Variants in ZNF57 observed in about 807,000 individuals in gnomAD.
ZNF57 encodes zinc finger protein 424.
Under a neutral mutation model 13.4 loss-of-function variants are expected in ZNF57, and 11 were observed. That is an observed-to-expected ratio of 0.82 (90% confidence interval 0.52 to 1.36). ZNF57 has a LOEUF of 1.36. ZNF57 is among the 40% of genes most tolerant of loss of function. The pLI is 0.00. For missense variants in ZNF57, 696 were observed against 667.5 expected, an observed-to-expected ratio of 1.04 and a Z score of -0.47; for synonymous variants, 224 against 238.5, an observed-to-expected ratio of 0.94 and a Z score of 0.56.
rs528950413 is a variant in ZNF57 at position 2,903,973 on chromosome 19, C to T, written c.3+2925C>T. Among the ~76,000 whole-genome samples, 29 of 152,272 alleles carry T rather than the reference C, an allele frequency of 1.9e-4. No homozygotes were observed. The East Asian group carries it at 4.6e-3, about 24-fold the overall frequency. ...CTGGTGTTCCGCTCGCCTCAGCCTC[C>T]GAAAGTGCTGGGATTACAGGCGTGA... On this transcript the variant is annotated intron_variant, in intron 1 of 3. Coordinates refer to ENST00000306908, the MANE Select transcript of ZNF57 (RefSeq NM_173480.3).
intron 1 of ZNF57, among the ~76,000 whole-genome samples, chr19:2,904,033 A>G (rs985846444): frequency 2.0e-5 from 3 of 151,940 alleles, no homozygotes; most frequent in African/African-American, 7.3e-5. Flanking sequence ...GCTAATTTTT[A>G]TATTTTTTTG....
Position 2,917,622 on chromosome 19 carries a change from A to G in ZNF57, c.1001A>G (p.Lys334Arg). 6.2e-7 allele frequency: 1 copy of G among 1,613,768 alleles called. No homozygotes were observed. Among genetic ancestry groups the G allele is most frequent in the Non-Finnish European group, 8.5e-7 (1 of 1,179,776 alleles). Residue 334 changes from lysine (K) to arginine (R), a missense_variant, in exon 4 of 4, where the codon AAA becomes AGA. Physicochemically the swap from Lys to Arg is conservative, Grantham distance 26 (BLOSUM62 2). Around this residue, in one of 3 missense-constraint regions of ZNF57, gnomAD observed 645 missense variants for 591.5 expected, o/e 1.09. Transcript: ENST00000306908. ...CACATGAGGATCCACACTGGGGACA[A>G]ACTCTATAAATGTGAACACTGTGGG... The part of the protein sequence containing the change: ...RVHMRIHTGD[K>R]LYKCEHCGKA...
At chr19:2,911,802 C>T (rs143711377) in intron 1 of ZNF57, among the ~76,000 whole-genome samples, 295 of 152,300 alleles carry the variant, frequency 1.9e-3, no homozygotes, top group African/African-American at 6.8e-3. Context: ...CAAATCTCTC[C>T]CATGGCTTTT....
chr19:2,916,306 A>G (rs2088194911), intron 3 of ZNF57, 57 bp downstream of exon 3: 2 of 1,423,076 alleles, frequency 1.4e-6, no homozygotes, highest in Non-Finnish European at 1.9e-6. Flanking sequence ...ATATCTAAGT[A>G]TTGCTCCAAA....
At chr19:2,915,494 T>C (rs371453787) in intron 1 of ZNF57, 28 bp from the exon 2 acceptor site, 13 of 1,610,324 alleles carry the variant, frequency 8.1e-6, no homozygotes, top group Admixed American at 5.0e-5. Context: ...TCTCCAATCC[T>C]CCTGCACACC....
intron 1 of ZNF57, among the ~76,000 whole-genome samples, chr19:2,907,556 G>GTAT: frequency 6.6e-6 from 1 of 152,236 alleles, no homozygotes; most frequent in South Asian, 2.1e-4. Flanking sequence ...CTTTTCCATT[G>GTAT]GTTCGTTTGT....
chr19:2,905,418 CT>C (rs200132729), intron 1 of ZNF57, among the ~76,000 whole-genome samples: 2,345 of 79,062 alleles, frequency 0.03, 987 homozygotes, highest in Non-Finnish European at 0.052. Context: ...CCCCCCCCCC[CT>C]CGGCATTCCA....
chr19:2,917,326 GT>G lies in ZNF57; in HGVS notation c.707del (p.Phe236SerfsTer8), dbSNP rs763886849. The G allele has an allele frequency of 1.2e-6, 2 of 1,614,106 alleles. No homozygotes were observed. Among genetic ancestry groups the G allele is most frequent in the Admixed American group, 3.3e-5 (2 of 60,012 alleles). ...CEQCRMAFNG[F>X]ASFTRHVRTH... ...AGCAGTGTCGGATGGCGTTTAATGG[GT>G]TCGCAAGCTTCACTAGACATGTGAG... On this transcript the variant is annotated frameshift_variant, in exon 4 of 4. Transcript: ENST00000306908. LOFTEE classifies it low-confidence loss of function (END_TRUNC).
At chr19:2,904,336 A>C (rs1344655000) in intron 1 of ZNF57, among the ~76,000 whole-genome samples, 2 of 151,930 alleles carry the variant, frequency 1.3e-5, no homozygotes, top group African/African-American at 4.8e-5. Flanking sequence ...GTGTTCATTT[A>C]TTTTGTGTAC....
intron 1 of ZNF57, among the ~76,000 whole-genome samples, chr19:2,908,813 G>A (rs985504896): frequency 6.6e-5 from 10 of 151,910 alleles, no homozygotes; most frequent in African/African-American, 2.4e-4. Flanking sequence ...CTCTCCTATT[G>A]CCCCGGAGCC....
At position 2,917,378 on chromosome 19, in the gene ZNF57, A is replaced by G. The variant is rs778450600; in HGVS notation, c.757A>G (p.Lys253Glu). Reference protein sequence around the residue: ...VRTHTKDRPYKCQECGRAFIY... With the variant: ...VRTHTKDRPYECQECGRAFIY... ...AACTCACACAAAAGACAGGCCATAT[A>G]AATGTCAGGAATGTGGGAGAGCCTT... The change falls in exon 4 of 4, where the codon AAA (lysine) becomes GAA (glutamate). Residue 253 changes from lysine (K) to glutamate (E), a missense_variant. Physicochemically the swap from Lys to Glu is moderately conservative, Grantham distance 56. This residue lies in a region of ZNF57 where 645 missense variants were observed against 591.5 expected (regional missense o/e 1.09). Coordinates refer to ENST00000306908, the MANE Select transcript of ZNF57 (RefSeq NM_173480.3). 7.4e-6 allele frequency: 12 copies of G among 1,614,248 alleles called. No homozygotes were observed. Among genetic ancestry groups the G allele is most frequent in the Non-Finnish European group, 1.0e-5 (12 of 1,180,042 alleles).
rs12973978 is a variant in ZNF57 at position 2,910,827 on chromosome 19, G to A, written c.4-4695G>A. 1.7e-3 allele frequency among the ~76,000 whole-genome samples: 178 copies of A among 107,426 alleles called. 1 individual carries two copies. Among genetic ancestry groups the A allele is most frequent in the Middle Eastern group, 9.7e-3 (2 of 206 alleles). The allele number at this position is 107,426 out of a possible 152,430, so 70.5% of individuals were successfully genotyped here. On this transcript the variant is annotated intron_variant, in intron 1 of 3. Coordinates refer to ENST00000306908, the MANE Select transcript of ZNF57 (RefSeq NM_173480.3). The stretch of plus-strand genomic sequence containing the variant: ...GCCAGGATGGTCTCCATCTCCTGAC[G>A]TCGTGATCCGCCCGCCTCGGCCTCC...
At chr19:2,908,184 T>C (rs949406236) in intron 1 of ZNF57, among the ~76,000 whole-genome samples, 2 of 152,246 alleles carry the variant, frequency 1.3e-5, no homozygotes, top group African/African-American at 4.8e-5. Flanking sequence ...TTTCTAGGAT[T>C]ATCTCTTTGT....
chr19:2,905,624 G>T (rs1177798031), intron 1 of ZNF57, among the ~76,000 whole-genome samples: 2 of 151,732 alleles, frequency 1.3e-5, no homozygotes, highest in Non-Finnish European at 2.9e-5. Context: ...AATTAGCCGG[G>T]TGTGGTGGTG....
At chr19:2,906,880 C>T (rs1408575146) in intron 1 of ZNF57, among the ~76,000 whole-genome samples, 1 of 152,158 alleles carries the variant, frequency 6.6e-6, no homozygotes, top group Non-Finnish European at 1.5e-5. Flanking sequence ...AGGCACAGGG[C>T]CCGTGGGAGC....
intron 1 of ZNF57, among the ~76,000 whole-genome samples, 200 bp downstream of exon 1, chr19:2,901,248 C>T (rs2088027066): frequency 8.3e-6 from 1 of 120,644 alleles, no homozygotes; most frequent in South Asian, 2.7e-4. Flanking sequence ...GAAGGGGCGG[C>T]AAGGAGCTTG....
intron 1 of ZNF57, among the ~76,000 whole-genome samples, chr19:2,904,378 A>C (rs375200193): frequency 6.6e-6 from 1 of 151,512 alleles, no homozygotes; most frequent in African/African-American, 2.4e-5. Context: ...GTCTTGTTCT[A>C]TTGCCCAAGC....
rs61743150 is a variant in ZNF57 at position 2,917,070 on chromosome 19, C to T, written c.449C>T (p.Thr150Met). The T allele has an allele frequency of 3.2e-3, 5,112 of 1,614,166 alleles. 119 individuals carry two copies. The African/African-American group carries it at 0.056, about 18-fold the overall frequency. The part of the protein sequence containing the change: ...YECTKCRTVF[T>M]HLSSLKRHVK... ...TGCACCAAGTGCAGGACAGTCTTCA[C>T]GCATCTTTCTTCTCTTAAAAGGCAC... is the stretch of plus-strand genomic sequence containing the variant. Residue 150 changes from threonine to methionine, a missense_variant, in exon 4 of 4, where the codon ACG (threonine) becomes ATG (methionine). Coordinates refer to ENST00000306908, the MANE Select transcript of ZNF57 (RefSeq NM_173480.3).
rs748351819 is a variant in ZNF57, at chr19:2,913,663, G to GT, written c.4-1849dup. The stretch of plus-strand genomic sequence containing the variant: ...TGGTCAGAGAACATACTTATTTCTG[G>GT]TTTTTTTTTTGGTGGGGGGAGACTA... On this transcript the variant is annotated intron_variant, in intron 1 of 3. Transcript: ENST00000306908. 2.0e-3 allele frequency among the ~76,000 whole-genome samples: 282 copies of GT among 143,862 alleles called. 3 individuals carry two copies. In the Middle Eastern group the frequency reaches 0.026, roughly 13 times the overall value. 94.4% of individuals were successfully genotyped at this position (143,862 alleles called of 152,430 possible).
Sources: gnomAD v4.1 joint callset for allele counts (sites outside exome capture counted in the v4.1 genomes callset) on GRCh38, gnomAD v4.1.1 for gene constraint, gnomAD v4.1.1 regional missense constraint, MANE v1.5 for transcripts, NCBI Gene and HGNC (gene_info 2026-07-23, HGNC 2026-07-21) for gene names.